USP20: variants seen among roughly 807,000 people sequenced by gnomAD.
The protein encoded by USP20 is ubiquitin specific peptidase 20.
A neutral mutation model predicts 124.2 loss-of-function variants in USP20; 80 were observed. The observed-to-expected ratio is 0.64, with a 90% CI of 0.54 to 0.78. The LOEUF is 0.78. Among genes scored for constraint, USP20 ranks in the 30% least tolerant of loss-of-function variants. The pLI is 0.00. For synonymous variants in USP20, 481 were observed against 512.3 expected (o/e 0.94, Z 0.83); for missense variants, 1,043 against 1,244.4 (o/e 0.84, Z 2.44).
intron 1 of USP20, among the ~76,000 whole-genome samples, chr9:129,847,751 A>C (rs1174269668): frequency 6.6e-6 from 1 of 152,170 alleles, no homozygotes; most frequent in Non-Finnish European, 1.5e-5. Flanking sequence ...GAACATTCCA[A>C]CACCACAGAA....
intron 1 of USP20, among the ~76,000 whole-genome samples, chr9:129,846,228 C>CATATATATATATAT (rs1159489842): frequency 1.0e-4 from 6 of 59,424 alleles, no homozygotes; most frequent in South Asian, 7.4e-4. Context: ...TGCGCCCAGC[C>CATATATATATATAT]ATATATATAT....
At chr9:129,837,614 GTA>G (rs1445815177) in intron 1 of USP20, among the ~76,000 whole-genome samples, 1 of 152,220 alleles carries the variant, frequency 6.6e-6, no homozygotes, top group Non-Finnish European at 1.5e-5. Context: ...TTAGTTGAGT[GTA>G]TGTTCTCACA....
chr9:129,875,453 A>G lies in USP20; in HGVS notation c.2192A>G (p.Asn731Ser). The change falls in exon 20 of 26, where the codon AAC becomes AGC. Residue 731 changes from asparagine to serine, a missense_variant. Transcript: ENST00000372429. ...TTCGCGGAGCCAGGCCCCATCACCAACCAGACCTTCCTCTGCTCCCACGGA... is the reference window on the plus strand; with the variant it reads ...TTCGCGGAGCCAGGCCCCATCACCAGCCAGACCTTCCTCTGCTCCCACGGA... The part of the protein sequence containing the change: ...NTFAEPGPIT[N>S]QTFLCSHGGI... 1 of 1,613,506 alleles carries G rather than the reference A, an allele frequency of 6.2e-7. No homozygotes were observed. Among genetic ancestry groups the G allele is most frequent in the Non-Finnish European group, 8.5e-7 (1 of 1,179,818 alleles).
chr9:129,868,567 A>C, intron 11 of USP20, 118 bp downstream of exon 11: 1 of 1,444,914 alleles, frequency 6.9e-7, no homozygotes, highest in Admixed American at 2.7e-5. Context: ...GACCCGAATG[A>C]CAGTGGGGAA....
rs554337106 is a variant in USP20 at position 129,865,959 on chromosome 9, A to T, written c.690+578A>T. Among the ~76,000 whole-genome samples, 116 of 152,266 alleles carry T rather than the reference A, an allele frequency of 7.6e-4. 1 individual carries two copies. Among genetic ancestry groups the T allele is most frequent in the African/African-American group, 1.7e-3 (72 of 41,542 alleles). Reference sequence around the variant, plus strand: ...ATTAAAGTAAAAAGTTTGATTAAAAATTTTTTTTAAATCTAGAGAACCCTT... The same window carrying T: ...ATTAAAGTAAAAAGTTTGATTAAAATTTTTTTTTAAATCTAGAGAACCCTT... On this transcript the variant is annotated intron_variant, in intron 10 of 25. Coordinates refer to ENST00000372429, the MANE Select transcript of USP20 (RefSeq NM_001110303.4).
At chr9:129,852,258 C>T (rs2131050369) in intron 2 of USP20, among the ~76,000 whole-genome samples, 1 of 152,278 alleles carries the variant, frequency 6.6e-6, no homozygotes, top group Middle Eastern at 3.4e-3. Context: ...TAATTCTGAT[C>T]ACTACACCTG....
rs1588272323 is a variant in USP20, at chr9:129,865,503, A to T, written c.690+122A>T. On this transcript the variant is annotated intron_variant, in intron 10 of 25. Transcript: ENST00000372429. ...GAGCACTGGTTGGCAGGTCTCACGG[A>T]CCAGGCTCTCACTCCTAAGCCCTTC... The T allele has an allele frequency of 2.9e-6, 3 of 1,018,038 alleles. No individual in the cohort carries two copies. In the Admixed American group the frequency reaches 5.9e-5, roughly 20 times the overall value. The allele number at this position is 1,018,038 out of a possible 1,614,324, so 63.1% of individuals were successfully genotyped here.
At chr9:129,846,247 ATTTTTTTTT>A (rs35809246) in intron 1 of USP20, among the ~76,000 whole-genome samples, 1 of 32,664 alleles carries the variant, frequency 3.1e-5, no homozygotes, top group African/African-American at 1.2e-4. Context: ...ATATATATAT[ATTTTTTTTT>A]TTTTTTTTTT....
intron 8 of USP20, among the ~76,000 whole-genome samples, chr9:129,861,983 A>G (rs1447933972): frequency 1.3e-5 from 2 of 152,214 alleles, no homozygotes; most frequent in Non-Finnish European, 2.9e-5. Flanking sequence ...AGTGGGGGAA[A>G]AAGGAGGTTA....
Position 129,879,491 on chromosome 9 carries a change from G to T in USP20, c.2513-82G>T, listed in dbSNP as rs546618076. ...CACGCTGACCCCCAGGCCTGGGGCGGCCCCACTTGGGATGGCTCTGCTGCT... is the reference window on the plus strand; with the variant it reads ...CACGCTGACCCCCAGGCCTGGGGCGTCCCCACTTGGGATGGCTCTGCTGCT... On this transcript the variant is annotated intron_variant, in intron 23 of 25. Coordinates refer to ENST00000372429, the MANE Select transcript of USP20 (RefSeq NM_001110303.4). The surrounding 1 kb of genome is among the most constrained non-coding windows in gnomAD (Gnocchi z 4.2). The T allele has an allele frequency of 4.2e-4, 623 of 1,476,280 alleles. 6 individuals are homozygous for T. Among genetic ancestry groups the T allele is most frequent in the South Asian group, 3.3e-3 (291 of 86,872 alleles). 91.4% of individuals were successfully genotyped at this position (1,476,280 alleles called of 1,614,324 possible).
intron 7 of USP20, 124 bp from the exon 8 acceptor site, chr9:129,861,419 A>C (rs1467075334): frequency 2.3e-6 from 2 of 855,782 alleles, no homozygotes; most frequent in Non-Finnish European, 3.9e-6. Flanking sequence ...GAACGCTTCC[A>C]CCATGTCCTC....
In USP20 at chr9:129,874,578, C is replaced by T. The variant is rs2034292824; in HGVS notation, c.1743C>T (p.Ile581=). The T allele has an allele frequency of 6.2e-7, 1 of 1,613,500 alleles. No individual in the cohort carries two copies. Among genetic ancestry groups the T allele is most frequent in the African/African-American group, 1.3e-5 (1 of 74,946 alleles). Residue 581 remains isoleucine, a splice_region_variant and synonymous_variant, in exon 18 of 26, where the codon ATC becomes ATT. Coordinates refer to ENST00000372429, the MANE Select transcript of USP20 (RefSeq NM_001110303.4). The part of the protein sequence containing the change: ...KYCKVLRLPE[I]LCIHLKRFRH... ...CGGCGCTCTCTCTGTCCCCGCAGAT[C>T]CTGTGCATTCACCTAAAGCGCTTTC...
intron 2 of USP20, among the ~76,000 whole-genome samples, chr9:129,851,965 TC>T (rs1363164707): frequency 6.6e-6 from 1 of 151,796 alleles, no homozygotes; most frequent in African/African-American, 2.4e-5. Flanking sequence ...CATGGCCTGC[TC>T]CCATGGTGGT....
At chr9:129,857,574 A>G (rs143151344) in intron 4 of USP20, among the ~76,000 whole-genome samples, 1 of 152,340 alleles carries the variant, frequency 6.6e-6, no homozygotes, top group East Asian at 1.9e-4. Context: ...GCTCTGGGGC[A>G]CTGGGTCAGT....
At chr9:129,873,571 T>G (rs900271279) in intron 16 of USP20, 56 bp downstream of exon 16, 18 of 1,613,688 alleles carry the variant, frequency 1.1e-5, no homozygotes, top group Non-Finnish European at 7.6e-6. Flanking sequence ...CCCTACATAT[T>G]CCCCTTGGGT....
intron 1 of USP20, among the ~76,000 whole-genome samples, chr9:129,845,207 T>C (rs766408816): frequency 6.6e-6 from 1 of 152,034 alleles, no homozygotes; most frequent in Non-Finnish European, 1.5e-5. Flanking sequence ...ACCCCTTCTC[T>C]GAAAACCACC....
intron 4 of USP20, among the ~76,000 whole-genome samples, chr9:129,856,805 G>A (rs1004514096): frequency 1.3e-5 from 2 of 152,160 alleles, no homozygotes; most frequent in Non-Finnish European, 2.9e-5. Context: ...CCCGCCTCAT[G>A]GGGTTAGGGT....
chr9:129,836,984 A>C (rs1344242616), intron 1 of USP20, among the ~76,000 whole-genome samples: 1 of 152,200 alleles, frequency 6.6e-6, no homozygotes, highest in Non-Finnish European at 1.5e-5. Flanking sequence ...AAGGGCAAGA[A>C]GGCCAGGGGC....
intron 16 of USP20, 59 bp downstream of exon 16, chr9:129,873,574 C>T: frequency 6.2e-7 from 1 of 1,613,716 alleles, no homozygotes; most frequent in South Asian, 1.1e-5. Context: ...TACATATTCC[C>T]CTTGGGTTCC....
Sources: gnomAD v4.1 joint callset for allele counts (sites outside exome capture counted in the v4.1 genomes callset) on GRCh38, gnomAD v4.1.1 for gene constraint, Gnocchi (gnomAD v3.1) non-coding constraint, MANE v1.5 for transcripts, NCBI Gene and HGNC (gene_info 2026-07-23, HGNC 2026-07-21) for gene names.